The following TRIM56 variants were observed in gnomAD, a reference collection of about 807,000 sequenced individuals.
The protein encoded by TRIM56 is tripartite motif containing 56.
A neutral mutation model predicts 17.1 loss-of-function variants in TRIM56; 10 were observed. The ratio of observed to expected loss-of-function variants is 0.58; its 90% CI spans 0.36 to 0.99. The LOEUF is 0.99. Among genes scored for constraint, TRIM56 ranks in the 50% least tolerant of loss-of-function variants. The pLI, the probability that TRIM56 is intolerant of heterozygous loss-of-function variation, is 0.01. For synonymous variants in TRIM56, 503 were observed against 473.5 expected (o/e 1.06, Z -0.81); for missense variants, 923 against 1,052.3 (o/e 0.88, Z 1.70).
rs1428380890 is a variant in TRIM56, at chr7:101,091,939, C to T, written c.*2359C>T. 4.7e-5 allele frequency: 14 copies of T among 300,914 alleles called. No homozygotes were observed. Among genetic ancestry groups the T allele is most frequent in the South Asian group, 1.2e-4 (5 of 41,528 alleles). 18.6% of individuals were successfully genotyped at this position (300,914 alleles called of 1,614,324 possible). A position where few individuals can be genotyped will look rare whatever the true frequency, so the allele number is the denominator to read the frequency against. ...AGTGCCTGCGATTGCAGGCGCGCGCCGCCACGCCTGACTGGTTTTCGTATT... is the reference window on the plus strand; with the variant it reads ...AGTGCCTGCGATTGCAGGCGCGCGCTGCCACGCCTGACTGGTTTTCGTATT... On this transcript the variant is annotated 3_prime_UTR_variant, in exon 3 of 3. Coordinates refer to ENST00000306085, the MANE Select transcript of TRIM56 (RefSeq NM_030961.3).
Position 101,089,361 on chromosome 7 carries a change from C to T in TRIM56, c.2049C>T (p.Ser683=), listed in dbSNP as rs757910155. 2.4e-5 allele frequency: 39 copies of T among 1,610,190 alleles called. No individual in the cohort carries two copies. The highest frequency in any genetic ancestry group is 1.6e-4 in the Middle Eastern group (1 of 6,068). The change falls in exon 3 of 3, where the codon TCC becomes TCT. Residue 683 remains serine, a synonymous_variant. Transcript: ENST00000306085. ...GPGLHGCQPG[S]VSVDKKGYIF... The stretch of plus-strand genomic sequence containing the variant: ...GCCTGCATGGCTGCCAGCCGGGCTC[C>T]GTGTCTGTGGATAAGAAGGGCTACA...
chr7:101,087,345 G>A lies in TRIM56; in HGVS notation c.33G>A (p.Leu11=). The change falls in exon 3 of 3, where the codon CTG becomes CTA. Residue 11 remains leucine, a synonymous_variant. Transcript: ENST00000306085. ...CCCACGGGTCCTCGCCCTCCCTCCT[G>A]GAGGCCCTGAGCAGCGACTTCCTGG... MVSHGSSPSL[L]EALSSDFLAC... 6.2e-7 allele frequency: 1 copy of A among 1,613,008 alleles called. No individual in the cohort carries two copies. Among genetic ancestry groups the A allele is most frequent in the Non-Finnish European group, 8.5e-7 (1 of 1,179,942 alleles).
In TRIM56 at chr7:101,088,689, G is replaced by A. The variant is rs1795503489; in HGVS notation, c.1377G>A (p.Lys459=). The change falls in exon 3 of 3, where the codon AAG becomes AAA. Residue 459 remains lysine, a synonymous_variant. Coordinates refer to ENST00000306085, the MANE Select transcript of TRIM56 (RefSeq NM_030961.3). ...CCCACAGGGGTGGCAGACCCAACAA[G>A]AAGAAAAAGTTCAAAGGCAGGCTCA... ...PQPHRGGRPN[K]KKKFKGRLKS... 30 of 1,614,058 alleles carry A rather than the reference G, an allele frequency of 1.9e-5. No homozygotes were observed. The highest frequency in any genetic ancestry group is 2.5e-5 in the Non-Finnish European group (29 of 1,179,960).
rs61729467 is a variant in TRIM56 at position 101,088,218 on chromosome 7, C to T, written c.906C>T (p.Ala302=). ...LAELEGREQV[A]RAAAAFARRV... Reference sequence around the variant, plus strand: ...AGCTTGAGGGCCGGGAGCAGGTGGCCAGGGCCGCAGCCGCCTTCGCCCGCC... The same window carrying T: ...AGCTTGAGGGCCGGGAGCAGGTGGCTAGGGCCGCAGCCGCCTTCGCCCGCC... Residue 302 remains alanine (A), a synonymous_variant, in exon 3 of 3, where the codon GCC becomes GCT. Coordinates refer to ENST00000306085, the MANE Select transcript of TRIM56 (RefSeq NM_030961.3). 1.5e-3 allele frequency: 2,194 copies of T among 1,464,206 alleles called. 2 individuals are homozygous for T. The highest frequency in any genetic ancestry group is 1.7e-3 in the Non-Finnish European group (1,880 of 1,113,506). 90.7% of individuals were successfully genotyped at this position (1,464,206 alleles called of 1,614,324 possible).
chr7:101,088,347 C>T lies in TRIM56; in HGVS notation c.1035C>T (p.Ala345=), dbSNP rs778508386. The T allele has an allele frequency of 6.5e-7, 1 of 1,542,874 alleles. No individual in the cohort carries two copies. The highest frequency in any genetic ancestry group is 8.7e-7 in the Non-Finnish European group (1 of 1,147,928). The stretch of plus-strand genomic sequence containing the variant: ...GCTGCCCCTGGGCACCAGGCCCGGC[C>T]CCCTGCCTGCTCCCACAGCTGGAGC... The part of the protein sequence containing the change: ...LQGCPWAPGP[A]PCLLPQLELH... The change falls in exon 3 of 3, where the codon GCC becomes GCT. Residue 345 remains alanine (A), a synonymous_variant. Coordinates refer to ENST00000306085, the MANE Select transcript of TRIM56 (RefSeq NM_030961.3).
chr7:101,087,272 G>T, intron 2 of TRIM56, 40 bp from the exon 3 acceptor site: 2 of 1,557,798 alleles, frequency 1.3e-6, no homozygotes, highest in Non-Finnish European at 1.8e-6. Context: ...AGCTGGTGAA[G>T]GTGCCTTCTC....
At chr7:101,086,171 G>A (rs560915537) in intron 1 of TRIM56, among the ~76,000 whole-genome samples, 3 of 152,322 alleles carry the variant, frequency 2.0e-5, no homozygotes, top group South Asian at 2.1e-4. Context: ...TGGGAAGGCC[G>A]AGACGGGAGG....
chr7:101,089,204 G>A lies in TRIM56; in HGVS notation c.1892G>A (p.Ser631Asn). ...CGGTTCATTCCTGGAGGCAAGGCCAGCCGGGGCCTGCGGGCGCTGGTGTTT... is the reference window on the plus strand; with the variant it reads ...CGGTTCATTCCTGGAGGCAAGGCCAACCGGGGCCTGCGGGCGCTGGTGTTT... ...ATRFIPGGKA[S>N]RGLRALVFLT... The change falls in exon 3 of 3, where the codon AGC becomes AAC. Residue 631 changes from serine to asparagine, a missense_variant. By Grantham distance (46) the Ser-to-Asn change is conservative. Transcript: ENST00000306085. 6.2e-7 allele frequency: 1 copy of A among 1,613,658 alleles called. No individual in the cohort carries two copies. Among genetic ancestry groups the A allele is most frequent in the South Asian group, 1.1e-5 (1 of 91,058 alleles).
At position 101,087,654 on chromosome 7, in the gene TRIM56, G is replaced by A. The variant is rs764282800; in HGVS notation, c.342G>A (p.Gly114=). Residue 114 remains glycine, a synonymous_variant, in exon 3 of 3, where the codon GGG becomes GGA. Coordinates refer to ENST00000306085, the MANE Select transcript of TRIM56 (RefSeq NM_030961.3). ...TGGTGGGTGGCACCAGCACCGGGGG[G>A]CCGGCCACGGCCCGGTGCCTGGACT... The part of the protein sequence containing the change: ...CPLVGGTSTG[G]PATARCLDCA... 2.7e-5 allele frequency: 44 copies of A among 1,605,458 alleles called. No individual in the cohort carries two copies. The highest frequency in any genetic ancestry group is 3.5e-5 in the Non-Finnish European group (41 of 1,176,970).
rs571942602 is a variant in TRIM56 at position 101,091,052 on chromosome 7, G to C, written c.*1472G>C. On this transcript the variant is annotated 3_prime_UTR_variant, in exon 3 of 3. Coordinates refer to ENST00000306085, the MANE Select transcript of TRIM56 (RefSeq NM_030961.3). Reference sequence around the variant, plus strand: ...TAGAAGGTGCAATGGGGCTGCGACGGATAGAGGTGTCAAACCAGAAGGGAG... The same window carrying C: ...TAGAAGGTGCAATGGGGCTGCGACGCATAGAGGTGTCAAACCAGAAGGGAG... The C allele has an allele frequency of 6.6e-6, 1 of 152,412 alleles. No homozygotes were observed. The highest frequency in any genetic ancestry group is 2.4e-5 in the African/African-American group (1 of 41,572). 9.4% of individuals were successfully genotyped at this position (152,412 alleles called of 1,614,324 possible). A position where few individuals can be genotyped will look rare whatever the true frequency, so the allele number is the denominator to read the frequency against.
rs770178751 is a variant in TRIM56, at chr7:101,089,193, A to G, written c.1881A>G (p.Gly627=). ...EGSLATRFIP[G]GKASRGLRAL... is the part of the protein sequence containing the mutation. ...GCCTGGCCACCCGGTTCATTCCTGG[A>G]GGCAAGGCCAGCCGGGGCCTGCGGG... Residue 627 remains glycine, a synonymous_variant, in exon 3 of 3, where the codon GGA becomes GGG. Transcript: ENST00000306085. 161 of 1,613,404 alleles carry G rather than the reference A, an allele frequency of 1.0e-4. No individual in the cohort carries two copies. The highest frequency in any genetic ancestry group is 1.3e-4 in the Non-Finnish European group (155 of 1,179,786).
chr7:101,089,379 G>T lies in TRIM56; in HGVS notation c.2067G>T (p.Lys689Asn), dbSNP rs771411856. 2.5e-6 allele frequency: 4 copies of T among 1,613,198 alleles called. No homozygotes were observed. The African/African-American group carries it at 5.3e-5, about 22-fold the overall frequency. ...CGGGCTCCGTGTCTGTGGATAAGAA[G>T]GGCTACATCTTTCTGACCCTTCGAG... is the stretch of plus-strand genomic sequence containing the variant. ...CQPGSVSVDK[K>N]GYIFLTLREV... The change falls in exon 3 of 3, where the codon AAG becomes AAT. Residue 689 changes from lysine to asparagine, a missense_variant. Transcript: ENST00000306085.
Position 101,088,335 on chromosome 7 carries a change from A to G in TRIM56, c.1023A>G (p.Ala341=). The change falls in exon 3 of 3, where the codon GCA becomes GCG. Residue 341 remains alanine, a synonymous_variant. Coordinates refer to ENST00000306085, the MANE Select transcript of TRIM56 (RefSeq NM_030961.3). ...GGCAGCTGCAGGGCTGCCCCTGGGC[A>G]CCAGGCCCGGCCCCCTGCCTGCTCC... ...RLRQLQGCPW[A]PGPAPCLLPQ... 2.0e-6 allele frequency: 3 copies of G among 1,530,534 alleles called. No individual in the cohort carries two copies. Among genetic ancestry groups the G allele is most frequent in the Non-Finnish European group, 2.6e-6 (3 of 1,143,392 alleles). The allele number at this position is 1,530,534 out of a possible 1,614,324, so 94.8% of individuals were successfully genotyped here.
At position 101,091,739 on chromosome 7, in the gene TRIM56, A is replaced by G. The variant is rs1795567738; in HGVS notation, c.*2159A>G. On this transcript the variant is annotated 3_prime_UTR_variant, in exon 3 of 3. Coordinates refer to ENST00000306085, the MANE Select transcript of TRIM56 (RefSeq NM_030961.3). ...TGAAACTCCATCTCAAAAAAAAAGA[A>G]AAAGAAAAGAAAGAAAACCAAGGTC... 4.5e-6 allele frequency: 2 copies of G among 439,890 alleles called. No homozygotes were observed. Among genetic ancestry groups the G allele is most frequent in the Admixed American group, 2.5e-5 (1 of 40,590 alleles). 27.2% of individuals were successfully genotyped at this position (439,890 alleles called of 1,614,324 possible). A position where few individuals can be genotyped will look rare whatever the true frequency, so the allele number is the denominator to read the frequency against.
rs1392687571 is a variant in TRIM56, at chr7:101,096,876, C to T, written c.*7296C>T. ...CAGTGACTTCAGGAATAGAAGGGAC[C>T]AATGGCCAGCTTGCTGAAATGTAAT... On this transcript the variant is annotated 3_prime_UTR_variant, in exon 3 of 3. Coordinates refer to ENST00000306085, the MANE Select transcript of TRIM56 (RefSeq NM_030961.3). 1 of 152,142 alleles carries T rather than the reference C, an allele frequency of 6.6e-6. No homozygotes were observed. The highest frequency in any genetic ancestry group is 1.5e-5 in the Non-Finnish European group (1 of 68,038). 9.4% of individuals were successfully genotyped at this position (152,142 alleles called of 1,614,324 possible). A position where few individuals can be genotyped will look rare whatever the true frequency, so the allele number is the denominator to read the frequency against.
At position 101,089,037 on chromosome 7, in the gene TRIM56, C is replaced by T. The variant is rs971682599; in HGVS notation, c.1725C>T (p.Pro575=). The T allele has an allele frequency of 1.9e-6, 3 of 1,603,484 alleles. No individual in the cohort carries two copies. Among genetic ancestry groups the T allele is most frequent in the Non-Finnish European group, 2.5e-6 (3 of 1,178,816 alleles). ...SASARLYLIN[P]NGEVQWRRAL... ...GCGCACGGCTCTATCTCATCAACCC[C>T]AACGGCGAAGTGCAGTGGCGCAGGG... The change falls in exon 3 of 3, where the codon CCC becomes CCT. Residue 575 remains proline (P), a synonymous_variant. Coordinates refer to ENST00000306085, the MANE Select transcript of TRIM56 (RefSeq NM_030961.3).
rs201923779 is a variant in TRIM56, at chr7:101,088,750, C to T, written c.1438C>T (p.Pro480Ser). The change falls in exon 3 of 3, where the codon CCG (proline) becomes TCG (serine). Residue 480 changes from proline (P) to serine (S), a missense_variant. Around this residue, in one of 3 missense-constraint regions of TRIM56, gnomAD observed 643 missense variants for 665.6 expected, o/e 0.97. Transcript: ENST00000306085. ...ISREPSPALGPNLDGSGLLPR... is the reference protein window; with the variant it reads ...ISREPSPALGSNLDGSGLLPR... The stretch of plus-strand genomic sequence containing the variant: ...CCGGGAGCCCAGCCCAGCCCTGGGG[C>T]CGAATCTGGACGGCTCTGGCCTCCT... The T allele has an allele frequency of 5.0e-6, 8 of 1,614,038 alleles. No homozygotes were observed. The highest frequency in any genetic ancestry group is 1.6e-4 in the Middle Eastern group (1 of 6,062).
rs1795625724 is a variant in TRIM56, at chr7:101,094,366, GTT to G, written c.*4791_*4792del. ...GGGAGATTGGGGTTTTTTTTGTTTT[GTT>G]TTTTGTTTGTTTTTCATTATTTTGT... On this transcript the variant is annotated 3_prime_UTR_variant, in exon 3 of 3. Transcript: ENST00000306085. 2 of 151,726 alleles carry G rather than the reference GTT, an allele frequency of 1.3e-5. No homozygotes were observed. Among genetic ancestry groups the G allele is most frequent in the Non-Finnish European group, 2.9e-5 (2 of 67,910 alleles). The allele number at this position is 151,726 out of a possible 1,614,324, so 9.4% of individuals were successfully genotyped here.
Position 101,087,359 on chromosome 7 carries a change from G to A in TRIM56, c.47G>A (p.Ser16Asn). 1 of 1,612,988 alleles carries A rather than the reference G, an allele frequency of 6.2e-7. No individual in the cohort carries two copies. Among genetic ancestry groups the A allele is most frequent in the Non-Finnish European group, 8.5e-7 (1 of 1,180,012 alleles). ...CCCTCCCTCCTGGAGGCCCTGAGCA[G>A]CGACTTCCTGGCCTGTAAAATCTGC... ...SSPSLLEALS[S>N]DFLACKICLE... is the part of the protein sequence containing the mutation. Residue 16 changes from serine (S) to asparagine (N), a missense_variant, in exon 3 of 3, where the codon AGC (serine) becomes AAC (asparagine). By Grantham distance (46) the Ser-to-Asn change is conservative. Transcript: ENST00000306085.
Sources: allele counts gnomAD v4.1 joint callset (sites outside exome capture counted in the v4.1 genomes callset), GRCh38; gene constraint gnomAD v4.1.1; regional missense constraint gnomAD v4.1.1; transcripts MANE v1.5; gene names NCBI Gene and HGNC (gene_info 2026-07-23, HGNC 2026-07-21).